Variants in HEATR4 observed in about 807,000 individuals in gnomAD.
HEATR4 encodes the protein HEAT repeat-containing protein 4.
HEATR4 carries 95 observed loss-of-function variants against 108.8 expected under a neutral mutation model. That is an observed-to-expected ratio of 0.87 (90% confidence interval 0.74 to 1.04). The LOEUF is 1.04. HEATR4 is among the 50% of genes least tolerant of loss of function. The pLI is 0.00. For synonymous variants in HEATR4, 443 were observed against 459.4 expected (o/e 0.96, Z 0.46); for missense variants, 1,152 against 1,253.8 (o/e 0.92, Z 1.23).
the HEATR4 span, chr14:73,612,618 A>ACGAG: frequency 7.1e-7 from 1 of 1,418,182 alleles, no homozygotes; most frequent in Non-Finnish European, 9.2e-7. Flanking sequence ...TGCTGCTGGG[A>ACGAG]CGAGCCGCTG....
the HEATR4 span, among the ~76,000 whole-genome samples, chr14:73,600,157 G>C: frequency 1.3e-5 from 2 of 152,110 alleles, no homozygotes; most frequent in Non-Finnish European, 2.9e-5. Flanking sequence ...TCAAAAATGG[G>C]GAAAATGTGG....
At chr14:73,527,460 T>G (rs1012684587) in intron 2 of HEATR4, 5 of 150,800 alleles carry the variant, frequency 3.3e-5, no homozygotes, top group African/African-American at 1.2e-4. Context: ...GAGATTGAAA[T>G]AACAAAAATC....
chr14:73,593,868 C>T, the HEATR4 span: 1,000 of 1,613,718 alleles, frequency 6.2e-4, 7 homozygotes, highest in African/African-American at 0.012. Flanking sequence ...TGGAGTACTT[C>T]GAAGAAGCCG....
chr14:73,598,404 A>G, the HEATR4 span, among the ~76,000 whole-genome samples: 117 of 150,974 alleles, frequency 7.7e-4, 2 homozygotes, highest in Middle Eastern at 0.017. Context: ...AAAAAAAAAA[A>G]AGAGAGAGAT....
chr14:73,491,770 G>T (rs778190170), intron 17 of HEATR4: 1 of 1,569,452 alleles, frequency 6.4e-7, no homozygotes, highest in Non-Finnish European at 8.6e-7. Context: ...ATTCGATGCT[G>T]CGCAACGAGG....
chr14:73,569,892 C>A, the HEATR4 span: 58 of 1,600,930 alleles, frequency 3.6e-5, no homozygotes, highest in Non-Finnish European at 4.7e-5. Flanking sequence ...AGGTGACTCA[C>A]CTCCGCTAAT....
intron 17 of HEATR4, among the ~76,000 whole-genome samples, chr14:73,485,593 C>T (rs759501648): frequency 3.3e-5 from 5 of 152,030 alleles, no homozygotes; most frequent in East Asian, 1.9e-4. Flanking sequence ...AATTTTTCGG[C>T]TTGGCATGGC....
rs776696705 is a variant in HEATR4, at chr14:73,500,724, C to T, written c.2112G>A (p.Lys704=). 3 of 1,613,344 alleles carry T rather than the reference C, an allele frequency of 1.9e-6. No individual in the cohort carries two copies. Among genetic ancestry groups the T allele is most frequent in the Non-Finnish European group, 2.5e-6 (3 of 1,179,456 alleles). The stretch of plus-strand genomic sequence containing the variant: ...GCTCCTGGGAATTTCCTTGACCTAG[C>T]TTGACCCTGTAAGGCACAAGTTGCT... ...GKEVHDIIRV[K]LGQGNSQERV... is the part of the protein sequence containing the mutation. Residue 704 remains lysine (K), a synonymous_variant, in exon 12 of 18, where the codon AAG becomes AAA. Transcript: ENST00000553558.
chr14:73,588,262 G>A, the HEATR4 span, among the ~76,000 whole-genome samples: 9 of 152,038 alleles, frequency 5.9e-5, no homozygotes, highest in Admixed American at 5.2e-4. Context: ...AGCCTCCCAA[G>A]GTGCTGGGAT....
At chr14:73,594,386 G>C in the HEATR4 span, among the ~76,000 whole-genome samples, 1 of 152,164 alleles carries the variant, frequency 6.6e-6, no homozygotes, top group South Asian at 2.1e-4. Flanking sequence ...GCCACATGAA[G>C]ACTTCAGTCA....
At position 73,510,835 on chromosome 14, in the gene HEATR4, G is replaced by C. The variant is rs577577398; in HGVS notation, c.1558+1171C>G. Among the ~76,000 whole-genome samples, 262 of 152,260 alleles carry C rather than the reference G, an allele frequency of 1.7e-3. 1 individual carries two copies. The highest frequency in any genetic ancestry group is 6.0e-3 in the African/African-American group (251 of 41,538). On this transcript the variant is annotated intron_variant, in intron 7 of 17. Transcript: ENST00000553558. ...CACTGGGTGAATTTATGCTTTACAG[G>C]AACTAATATCTCTTATAAAAACTCC...
chr14:73,574,528 G>A, the HEATR4 span: 30 of 386,182 alleles, frequency 7.8e-5, no homozygotes, highest in East Asian at 9.1e-4. Context: ...CTCCCAAACT[G>A]TTGGGATTAC....
At position 73,522,412 on chromosome 14, in the gene HEATR4, C is replaced by A. The variant is rs758122945; in HGVS notation, c.741G>T (p.Arg247=). 4 of 1,614,234 alleles carry A rather than the reference C, an allele frequency of 2.5e-6. No homozygotes were observed. In the South Asian group the frequency reaches 4.4e-5, roughly 18 times the overall value. Residue 247 remains arginine (R), a synonymous_variant, in exon 3 of 18, where the codon CGG becomes CGT. Transcript: ENST00000553558. The stretch of plus-strand genomic sequence containing the variant: ...GGTCACTGGCAGAGGTAAGCTCATC[C>A]CGAATGTGACTCCAGTCGTACTGCT... ...LRQQYDWSHI[R]DELTSASDLE...
chr14:73,508,390 G>C lies in HEATR4; in HGVS notation c.1721-96C>G, dbSNP rs968770155. On this transcript the variant is annotated intron_variant, in intron 8 of 17. Coordinates refer to ENST00000553558, the MANE Select transcript of HEATR4 (RefSeq NM_001220484.1). ...GATACCCAAGGCTGCTACCCCACCT[G>C]ATATCTCACTTCCTTGTGCCCCACT... 6 of 960,594 alleles carry C rather than the reference G, an allele frequency of 6.2e-6. No individual in the cohort carries two copies. The Admixed American group carries it at 1.0e-4, about 16-fold the overall frequency. The allele number at this position is 960,594 out of a possible 1,614,324, so 59.5% of individuals were successfully genotyped here.
the HEATR4 span, chr14:73,569,580 T>C: frequency 6.2e-7 from 1 of 1,600,436 alleles, no homozygotes; most frequent in Admixed American, 1.7e-5. Flanking sequence ...CCACGCGCGC[T>C]ACCGCGCCGA....
chr14:73,588,622 G>A, the HEATR4 span, among the ~76,000 whole-genome samples: 1 of 151,834 alleles, frequency 6.6e-6, no homozygotes, highest in Non-Finnish European at 1.5e-5. Flanking sequence ...CTCAACATAA[G>A]CAAAAAAGGA....
intron 11 of HEATR4, 66 bp downstream of exon 11, chr14:73,502,829 C>A (rs1886559049): frequency 3.1e-6 from 4 of 1,293,566 alleles, no homozygotes; most frequent in African/African-American, 2.9e-5. Context: ...GCCACCTTGC[C>A]CAGCCTGCCT....
intron 17 of HEATR4, among the ~76,000 whole-genome samples, chr14:73,488,599 G>T (rs537858955): frequency 6.6e-6 from 1 of 151,570 alleles, no homozygotes; most frequent in Non-Finnish European, 1.5e-5. Flanking sequence ...GTTTCTTTAG[G>T]CCTCCCCAAC....
the HEATR4 span, among the ~76,000 whole-genome samples, chr14:73,605,228 T>TA: frequency 1.3e-5 from 2 of 152,124 alleles, no homozygotes; most frequent in Non-Finnish European, 2.9e-5. Context: ...AGTGCTCTTT[T>TA]AAAAAAAGTC....
Sources: gnomAD v4.1 joint callset for allele counts (sites outside exome capture counted in the v4.1 genomes callset) on GRCh38, gnomAD v4.1.1 for gene constraint, MANE v1.5 for transcripts, NCBI Gene and HGNC (gene_info 2026-07-23, HGNC 2026-07-21) for gene names.